The following CERS6 variants were observed in gnomAD, a reference collection of about 807,000 sequenced individuals.
CERS6 encodes the protein LAG1 homolog, ceramide synthase 6.
Under a neutral mutation model 56.8 loss-of-function variants are expected in CERS6, and 26 were observed. The observed-to-expected ratio is 0.46, with a 90% CI of 0.34 to 0.63. The LOEUF is 0.63. Ranked by LOEUF, CERS6 falls within the 30% of genes least tolerant of loss-of-function variation. CERS6 has a pLI of 0.01. For synonymous variants in CERS6, 164 were observed against 173.3 expected (o/e 0.95, Z 0.42); for missense variants, 415 against 467.5 (o/e 0.89, Z 1.04).
chr2:168,768,915 A>AC (rs1684794415), intron 9 of CERS6, among the ~76,000 whole-genome samples: 1 of 150,938 alleles, frequency 6.6e-6, no homozygotes, highest in Non-Finnish European at 1.5e-5. Flanking sequence ...AAAAAAAAAA[A>AC]AAAAAAAGAA....
At chr2:168,537,877 A>G in intron 1 of CERS6, among the ~76,000 whole-genome samples, 1 of 152,198 alleles carries the variant, frequency 6.6e-6, no homozygotes, top group Admixed American at 6.5e-5. Context: ...CCTCAGACTT[A>G]CCAGGCCTCA....
chr2:168,756,148 G>T lies in CERS6; in HGVS notation c.846-9444G>T, dbSNP rs147240287. Among the ~76,000 whole-genome samples, 262 of 152,266 alleles carry T rather than the reference G, an allele frequency of 1.7e-3. 1 individual carries two copies. Among genetic ancestry groups the T allele is most frequent in the African/African-American group, 6.1e-3 (254 of 41,556 alleles). On this transcript the variant is annotated intron_variant, in intron 8 of 9. Coordinates refer to ENST00000305747, the MANE Select transcript of CERS6 (RefSeq NM_203463.3). ...GTAGGGAGGTTTCAGAGCCATTTCT[G>T]CCATCCTGCCTCTATGAGGATGGGA... is the stretch of plus-strand genomic sequence containing the variant.
intron 4 of CERS6, among the ~76,000 whole-genome samples, chr2:168,661,486 C>T (rs1402071573): frequency 3.3e-5 from 5 of 152,168 alleles, no homozygotes; most frequent in Admixed American, 6.5e-5. Flanking sequence ...TCCGACAAAA[C>T]CTTTCTCCTC....
chr2:168,636,745 C>G (rs1312167756), intron 4 of CERS6, among the ~76,000 whole-genome samples: 1 of 152,182 alleles, frequency 6.6e-6, no homozygotes, highest in African/African-American at 2.4e-5. Flanking sequence ...TACATCTACC[C>G]TCTTGCATAT....
intron 4 of CERS6, among the ~76,000 whole-genome samples, chr2:168,634,600 A>G (rs1684821530): frequency 6.6e-6 from 1 of 152,012 alleles, no homozygotes. Flanking sequence ...TTTAGTACAG[A>G]TGGGATTTCA....
At chr2:168,578,429 TC>T (rs1164754116) in intron 3 of CERS6, among the ~76,000 whole-genome samples, 2 of 152,200 alleles carry the variant, frequency 1.3e-5, no homozygotes, top group Non-Finnish European at 2.9e-5. Context: ...CATTCTAAAC[TC>T]CCTTCTCTCC....
intron 4 of CERS6, among the ~76,000 whole-genome samples, chr2:168,652,620 T>A (rs1685373022): frequency 1.4e-5 from 2 of 144,818 alleles, no homozygotes. Flanking sequence ...GTTTTTTTTT[T>A]AACCTTTCCT....
chr2:168,460,712 C>T (rs1244301009), intron 1 of CERS6, among the ~76,000 whole-genome samples: 1 of 152,202 alleles, frequency 6.6e-6, no homozygotes, highest in Non-Finnish European at 1.5e-5. Flanking sequence ...AGGCCTGGCA[C>T]CTCTTGTGAT....
intron 3 of CERS6, among the ~76,000 whole-genome samples, chr2:168,623,849 C>T (rs1033426996): frequency 2.6e-5 from 4 of 152,128 alleles, no homozygotes; most frequent in Non-Finnish European, 5.9e-5. Flanking sequence ...CCCAAGATGT[C>T]GATGGAGACC....
intron 4 of CERS6, among the ~76,000 whole-genome samples, chr2:168,658,448 T>C (rs1394059351): frequency 2.6e-5 from 4 of 152,200 alleles, no homozygotes; most frequent in Non-Finnish European, 4.4e-5. Context: ...TTGTAGGTGA[T>C]CCTCTCTAGT....
chr2:168,653,347 A>G lies in CERS6; in HGVS notation c.465+22305A>G, dbSNP rs150320795. Among the ~76,000 whole-genome samples the G allele has an allele frequency of 8.6e-3, 1,309 of 152,310 alleles. 27 individuals are homozygous for G. The highest frequency in any genetic ancestry group is 0.028 in the African/African-American group (1,181 of 41,574). On this transcript the variant is annotated intron_variant, in intron 4 of 9. Transcript: ENST00000305747. Reference sequence around the variant, plus strand: ...TCTTGATAGGAGTCATTTTTCAACTAGATGGCTCTGACACAGATAATGGCC... The same window carrying G: ...TCTTGATAGGAGTCATTTTTCAACTGGATGGCTCTGACACAGATAATGGCC...
chr2:168,585,523 A>C (rs1683520214), intron 3 of CERS6, among the ~76,000 whole-genome samples: 1 of 152,246 alleles, frequency 6.6e-6, no homozygotes, highest in African/African-American at 2.4e-5. Flanking sequence ...ATTCTGCCTC[A>C]GTAAGACTCC....
At chr2:168,613,050 C>A (rs80252267) in intron 3 of CERS6, among the ~76,000 whole-genome samples, 36 of 152,078 alleles carry the variant, frequency 2.4e-4, no homozygotes, top group African/African-American at 8.0e-4. Flanking sequence ...GTAAATGAAA[C>A]GGATATTTCC....
intron 1 of CERS6, among the ~76,000 whole-genome samples, chr2:168,505,578 G>T (rs1488397942): frequency 6.6e-6 from 1 of 151,954 alleles, no homozygotes; most frequent in Non-Finnish European, 1.5e-5. Flanking sequence ...CCGTTTATAT[G>T]GTTTGGTTAC....
At chr2:168,700,728 C>T (rs1156709516) in intron 6 of CERS6, among the ~76,000 whole-genome samples, 1 of 152,196 alleles carries the variant, frequency 6.6e-6, no homozygotes, top group Non-Finnish European at 1.5e-5. Flanking sequence ...CCTTTCTGTA[C>T]GTTGGTTTCC....
intron 2 of CERS6, among the ~76,000 whole-genome samples, chr2:168,560,000 T>G (rs1422163226): frequency 1.3e-5 from 2 of 151,954 alleles, no homozygotes; most frequent in Non-Finnish European, 2.9e-5. Context: ...GATAGTGTAT[T>G]AGTCCATTTT....
intron 4 of CERS6, among the ~76,000 whole-genome samples, chr2:168,660,714 C>T (rs1054606954): frequency 1.3e-5 from 2 of 151,716 alleles, no homozygotes; most frequent in Non-Finnish European, 2.9e-5. Flanking sequence ...AAATTTCACA[C>T]GATTTTTTTG....
chr2:168,763,513 C>T (rs1014757630), intron 8 of CERS6, among the ~76,000 whole-genome samples: 1 of 151,782 alleles, frequency 6.6e-6, no homozygotes, highest in African/African-American at 2.4e-5. Context: ...CCACCCATCT[C>T]AGCCTCCCAA....
At chr2:168,739,908 C>T (rs542457974) in intron 8 of CERS6, among the ~76,000 whole-genome samples, 28 of 151,988 alleles carry the variant, frequency 1.8e-4, no homozygotes, top group South Asian at 1.0e-3. Context: ...TGGGGTTTCA[C>T]CAGGTTGGCG....
Sources: gnomAD v4.1 joint callset for allele counts (sites outside exome capture counted in the v4.1 genomes callset) on GRCh38, gnomAD v4.1.1 for gene constraint, MANE v1.5 for transcripts, NCBI Gene and HGNC (gene_info 2026-07-23, HGNC 2026-07-21) for gene names.